Variants in PCCA observed in about 807,000 individuals in gnomAD.
PCCA encodes the protein propionyl-CoA carboxylase subunit alpha.
In PCCA, 74 loss-of-function variants were observed where a neutral mutation model predicts 101.3. That is an observed-to-expected ratio of 0.73 (90% CI 0.61 to 0.89). The LOEUF is 0.89. Among genes scored for constraint, PCCA ranks in the 40% least tolerant of loss-of-function variants. The probability of loss-of-function intolerance (pLI) is 0.00; values close to 1 mark genes in which losing one functional copy is unlikely to be tolerated. For missense variants in PCCA, 891 were observed against 907.0 expected (o/e 0.98, Z 0.23); for synonymous variants, 294 against 313.6 (o/e 0.94, Z 0.66).
At chr13:100,261,476 C>T (rs1328003076) in intron 9 of PCCA, among the ~76,000 whole-genome samples, 1 of 151,966 alleles carries the variant, frequency 6.6e-6, no homozygotes, top group African/African-American at 2.4e-5. Flanking sequence ...AGCGGTTCTC[C>T]TGCTTCAGTC....
chr13:100,402,727 G>C (rs951501976), intron 19 of PCCA, among the ~76,000 whole-genome samples: 1 of 152,158 alleles, frequency 6.6e-6, no homozygotes, highest in African/African-American at 2.4e-5. Flanking sequence ...GTATGGGTGG[G>C]TGGTATTGGT....
intron 21 of PCCA, among the ~76,000 whole-genome samples, chr13:100,471,458 C>A (rs1401941616): frequency 6.6e-6 from 1 of 152,166 alleles, no homozygotes; most frequent in Non-Finnish European, 1.5e-5. Context: ...AAAATGGTGG[C>A]AATAGATAAA....
intron 21 of PCCA, among the ~76,000 whole-genome samples, chr13:100,498,753 T>C (rs546829469): frequency 1.9e-4 from 29 of 152,282 alleles, no homozygotes; most frequent in Non-Finnish European, 3.8e-4. Flanking sequence ...CTGGAGCATG[T>C]GTCTGGTCTT....
intron 16 of PCCA, among the ~76,000 whole-genome samples, chr13:100,319,063 G>A (rs1309887647): frequency 6.6e-6 from 1 of 152,002 alleles, no homozygotes; most frequent in Admixed American, 6.6e-5. Context: ...TGTGGTTTTG[G>A]TTTGCATTTC....
intron 12 of PCCA, among the ~76,000 whole-genome samples, chr13:100,290,537 T>G (rs2065044853): frequency 6.6e-6 from 1 of 152,182 alleles, no homozygotes; most frequent in South Asian, 2.1e-4. Flanking sequence ...TCATTGGAAT[T>G]CAGGGACTTT....
intron 23 of PCCA, among the ~76,000 whole-genome samples, chr13:100,529,661 G>GTTTTGTTCCTTTT (rs1214551592): frequency 6.6e-6 from 1 of 152,164 alleles, no homozygotes; most frequent in Non-Finnish European, 1.5e-5. Flanking sequence ...ACTGTCGTGT[G>GTTTTGTTCCTTTT]TTTTGTTCCT....
intron 12 of PCCA, among the ~76,000 whole-genome samples, chr13:100,280,852 T>A (rs1166333082): frequency 6.6e-6 from 1 of 152,186 alleles, no homozygotes; most frequent in Non-Finnish European, 1.5e-5. Context: ...ACGTGGATCC[T>A]CTCTTTGTCT....
intron 1 of PCCA, among the ~76,000 whole-genome samples, chr13:100,101,782 TAGTAGAG>T (rs1450032589): frequency 1.3e-5 from 2 of 152,006 alleles, no homozygotes; most frequent in African/African-American, 4.8e-5. Context: ...TGTGTGTTTT[TAGTAGAG>T]ACGGGATTTC....
chr13:100,517,320 C>T (rs562809031), intron 22 of PCCA, among the ~76,000 whole-genome samples: 2 of 152,306 alleles, frequency 1.3e-5, no homozygotes, highest in South Asian at 4.1e-4. Context: ...TTAACAGCTG[C>T]TGGCTCCTGA....
chr13:100,180,504 C>T (rs535770032), intron 6 of PCCA, among the ~76,000 whole-genome samples: 1 of 152,184 alleles, frequency 6.6e-6, no homozygotes, highest in East Asian at 1.9e-4. Flanking sequence ...TATTGAAAAA[C>T]AGCCCCATAA....
intron 7 of PCCA, among the ~76,000 whole-genome samples, chr13:100,222,129 C>A (rs2152498791): frequency 6.6e-6 from 1 of 150,606 alleles, no homozygotes; most frequent in East Asian, 2.0e-4. Context: ...CCATCCCCGC[C>A]CCCTGGGTTC....
intron 17 of PCCA, among the ~76,000 whole-genome samples, chr13:100,338,988 T>C (rs1303160861): frequency 2.0e-5 from 3 of 152,176 alleles, no homozygotes; most frequent in Non-Finnish European, 4.4e-5. Context: ...CTAGTTTTTT[T>C]CTTTTTTTGA....
intron 6 of PCCA, among the ~76,000 whole-genome samples, chr13:100,188,119 C>A (rs2057441111): frequency 6.6e-6 from 1 of 152,096 alleles, no homozygotes; most frequent in Admixed American, 6.6e-5. Context: ...ATGGTGAAAC[C>A]CCGTCTCTAC....
chr13:100,276,268 A>AT (rs1369737512), intron 12 of PCCA, among the ~76,000 whole-genome samples: 1 of 146,896 alleles, frequency 6.8e-6, no homozygotes, highest in Admixed American at 6.9e-5. Context: ...TTTGGCCAGT[A>AT]TTTTTTTCAA....
At chr13:100,348,920 T>C (rs371273299) in intron 18 of PCCA, among the ~76,000 whole-genome samples, 3 of 89,092 alleles carry the variant, frequency 3.4e-5, no homozygotes, top group East Asian at 2.6e-4. Context: ...CTTTCTTTTC[T>C]TTTCTTTTCT....
intron 20 of PCCA, among the ~76,000 whole-genome samples, chr13:100,440,065 C>T (rs369404231): frequency 1.2e-4 from 18 of 149,548 alleles, no homozygotes; most frequent in African/African-American, 4.4e-4. Flanking sequence ...TTAAAGCAGA[C>T]AAATTTGGAA....
At position 100,135,528 on chromosome 13, in the gene PCCA, T is replaced by C. The variant is rs541202908; in HGVS notation, c.301-19451T>C. Among the ~76,000 whole-genome samples the C allele has an allele frequency of 4.6e-5, 7 of 152,360 alleles. No homozygotes were observed. The South Asian group carries it at 1.4e-3, about 32-fold the overall frequency. On this transcript the variant is annotated intron_variant, in intron 4 of 23. Transcript: ENST00000376285. Reference sequence around the variant, plus strand: ...ATGTTGACCTTGCATTCTGTGATCTTGCTAAACTCATTAGTTCTAGGAGTA... The same window carrying C: ...ATGTTGACCTTGCATTCTGTGATCTCGCTAAACTCATTAGTTCTAGGAGTA...
chr13:100,353,229 G>A (rs866485866), intron 18 of PCCA, among the ~76,000 whole-genome samples: 1 of 152,164 alleles, frequency 6.6e-6, no homozygotes, highest in South Asian at 2.1e-4. Flanking sequence ...GAGAATATCA[G>A]CAAGGAAGTA....
At chr13:100,115,168 C>T (rs2048686395) in intron 4 of PCCA, among the ~76,000 whole-genome samples, 1 of 151,768 alleles carries the variant, frequency 6.6e-6, no homozygotes, top group Non-Finnish European at 1.5e-5. Context: ...ATAAGCCAGG[C>T]ACAGAAAGAC....
Sources: gnomAD v4.1 joint callset for allele counts (sites outside exome capture counted in the v4.1 genomes callset) on GRCh38, gnomAD v4.1.1 for gene constraint, MANE v1.5 for transcripts, NCBI Gene and HGNC (gene_info 2026-07-23, HGNC 2026-07-21) for gene names.